COLEC12: variants seen among roughly 807,000 people sequenced by gnomAD.
COLEC12 encodes collectin-12.
Under a neutral mutation model 71.1 loss-of-function variants are expected in COLEC12, and 33 were observed. The observed-to-expected ratio is 0.46, with a 90% CI of 0.35 to 0.62. The LOEUF (loss-of-function observed/expected upper bound fraction) is 0.62, where lower values mean the gene tolerates loss of function less well. Among genes scored for constraint, COLEC12 ranks in the 20% least tolerant of loss-of-function variants. COLEC12 has a pLI of 0.00. For missense variants in COLEC12, 765 were observed against 916.1 expected (o/e 0.84, Z 2.13); for synonymous variants, 350 against 353.0 (o/e 0.99, Z 0.10).
chr18:400,010 A>C (rs1915649730), intron 2 of COLEC12, among the ~76,000 whole-genome samples: 1 of 152,126 alleles, frequency 6.6e-6, no homozygotes, highest in Non-Finnish European at 1.5e-5. Context: ...ATCCCATGAC[A>C]TAGTTTTTGC....
chr18:461,479 T>C (rs1916981984), intron 2 of COLEC12, among the ~76,000 whole-genome samples: 2 of 152,196 alleles, frequency 1.3e-5, no homozygotes, highest in Non-Finnish European at 2.9e-5. Context: ...CTCAAACTCC[T>C]GGGCTCAAGC....
At chr18:349,021 G>T (rs140432493) in intron 3 of COLEC12, among the ~76,000 whole-genome samples, 472 of 152,322 alleles carry the variant, frequency 3.1e-3, no homozygotes, top group Middle Eastern at 0.014. Context: ...CACAAGATCT[G>T]ATGGTCTTAT....
chr18:320,603 C>T (rs929590720), intron 9 of COLEC12, among the ~76,000 whole-genome samples: 2 of 152,188 alleles, frequency 1.3e-5, no homozygotes, highest in African/African-American at 4.8e-5. Context: ...ATATAATTGA[C>T]AAATTGTATA....
At chr18:340,082 A>AAAAAAAC (rs1567877341) in intron 5 of COLEC12, among the ~76,000 whole-genome samples, 4 of 151,306 alleles carry the variant, frequency 2.6e-5, no homozygotes, top group Admixed American at 2.0e-4. Flanking sequence ...AGCAAAAAAA[A>AAAAAAAC]AAAAAAAAAC....
intron 3 of COLEC12, among the ~76,000 whole-genome samples, chr18:350,021 A>G (rs532535441): frequency 6.6e-6 from 1 of 152,246 alleles, no homozygotes; most frequent in South Asian, 2.1e-4. Flanking sequence ...ATGAGTTAAA[A>G]CTTTGTGGGA....
At chr18:395,995 T>G (rs144870309) in intron 2 of COLEC12, among the ~76,000 whole-genome samples, 1 of 152,300 alleles carries the variant, frequency 6.6e-6, no homozygotes, top group East Asian at 1.9e-4. Flanking sequence ...GAGCACACAA[T>G]GTGGTGGAGA....
At chr18:482,596 A>G (rs1202368317) in intron 1 of COLEC12, among the ~76,000 whole-genome samples, 1 of 152,000 alleles carries the variant, frequency 6.6e-6, no homozygotes, top group African/African-American at 2.4e-5. Flanking sequence ...TGAGTAAGTC[A>G]TGGTCCTTTA....
chr18:411,332 T>C (rs763643746), intron 2 of COLEC12, among the ~76,000 whole-genome samples: 2 of 152,154 alleles, frequency 1.3e-5, no homozygotes, highest in African/African-American at 4.8e-5. Context: ...ACTTGTCATA[T>C]CAAGAGACAG....
intron 2 of COLEC12, among the ~76,000 whole-genome samples, chr18:428,769 A>T (rs62089976): frequency 0.19 from 28,372 of 152,182 alleles, 2,916 homozygotes; most frequent in Middle Eastern, 0.24. Context: ...CATATAAATA[A>T]GATGTCTTTT....
chr18:338,428 C>T (rs544373701), intron 5 of COLEC12, among the ~76,000 whole-genome samples: 46 of 152,276 alleles, frequency 3.0e-4, no homozygotes, highest in African/African-American at 1.1e-3. Flanking sequence ...GGGTGACCTG[C>T]CTGGTGCCCC....
At chr18:338,586 G>T (rs929743971) in intron 5 of COLEC12, among the ~76,000 whole-genome samples, 3 of 152,306 alleles carry the variant, frequency 2.0e-5, no homozygotes, top group African/African-American at 7.2e-5. Context: ...GCCTAACCTG[G>T]TCTGGCTCAC....
chr18:394,030 G>A lies in COLEC12; in HGVS notation c.59-36508C>T, dbSNP rs150567003. ...AGGTGGTGGCGTCTGTCTTAGAGAAGACCCCAATCTCCAATCTTGCTTTTG... is the reference window on the plus strand; with the variant it reads ...AGGTGGTGGCGTCTGTCTTAGAGAAAACCCCAATCTCCAATCTTGCTTTTG... On this transcript the variant is annotated intron_variant, in intron 2 of 9. Transcript: ENST00000400256. Among the ~76,000 whole-genome samples the A allele has an allele frequency of 1.2e-3, 176 of 152,298 alleles. 1 individual carries two copies. The Middle Eastern group carries it at 0.017, about 15-fold the overall frequency.
intron 1 of COLEC12, among the ~76,000 whole-genome samples, chr18:497,207 T>C (rs1917727758): frequency 6.6e-6 from 1 of 152,150 alleles, no homozygotes; most frequent in Non-Finnish European, 1.5e-5. Context: ...AGATGCAGGA[T>C]TACACTCCAA....
chr18:367,484 T>C (rs1377123874), intron 2 of COLEC12, among the ~76,000 whole-genome samples: 2 of 152,234 alleles, frequency 1.3e-5, no homozygotes, highest in African/African-American at 4.8e-5. Context: ...TGTTTTTTAC[T>C]TTCTTCAAGT....
At chr18:388,432 A>G (rs1412938813) in intron 2 of COLEC12, among the ~76,000 whole-genome samples, 1 of 152,214 alleles carries the variant, frequency 6.6e-6, no homozygotes. Flanking sequence ...TTAACGTGGC[A>G]CCATGGTTAC....
At chr18:321,893 C>G in intron 8 of COLEC12, 86 bp from the exon 9 acceptor site, 1 of 1,296,164 alleles carries the variant, frequency 7.7e-7, no homozygotes. Flanking sequence ...TATAAAAAAA[C>G]AAAATTGAAG....
chr18:440,360 AACACACACACACACACATAC>A (rs1351952456), intron 2 of COLEC12, among the ~76,000 whole-genome samples: 3 of 118,744 alleles, frequency 2.5e-5, no homozygotes, highest in Admixed American at 8.3e-5. Context: ...AAATGTTCTC[AACACACACACACACACATAC>A]ACACACACAC....
At chr18:437,941 T>A (rs1003850778) in intron 2 of COLEC12, among the ~76,000 whole-genome samples, 12 of 152,214 alleles carry the variant, frequency 7.9e-5, no homozygotes, top group Admixed American at 2.6e-4. Context: ...ATAGCACACA[T>A]AGTTCCAAAG....
At chr18:398,439 C>T (rs939379175) in intron 2 of COLEC12, among the ~76,000 whole-genome samples, 1 of 152,216 alleles carries the variant, frequency 6.6e-6, no homozygotes, top group East Asian at 1.9e-4. Flanking sequence ...ACAAGATCAG[C>T]GCATTTCTCC....
Sources: gnomAD v4.1 joint callset for allele counts (sites outside exome capture counted in the v4.1 genomes callset) on GRCh38, gnomAD v4.1.1 for gene constraint, MANE v1.5 for transcripts, NCBI Gene and HGNC (gene_info 2026-07-23, HGNC 2026-07-21) for gene names.